The following STX8 variants were observed in gnomAD, a reference collection of about 807,000 sequenced individuals.
STX8 encodes syntaxin-8.
STX8 carries 23 observed loss-of-function variants against 37.5 expected under a neutral mutation model. The observed-to-expected ratio is 0.61, with a 90% CI of 0.44 to 0.87. STX8 has a LOEUF of 0.87. Ranked by LOEUF, STX8 falls within the 40% of genes least tolerant of loss-of-function variation. The probability of loss-of-function intolerance (pLI) is 0.00; values close to 1 mark genes in which losing one functional copy is unlikely to be tolerated. For missense variants in STX8, 313 were observed against 284.7 expected (o/e 1.10, Z -0.71); for synonymous variants, 115 against 99.1 (o/e 1.16, Z -0.95).
In STX8 at chr17:9,266,572, G is replaced by A. The variant is rs569454091; in HGVS notation, c.644-15927C>T. On this transcript the variant is annotated intron_variant, in intron 7 of 7. Transcript: ENST00000306357. The stretch of plus-strand genomic sequence containing the variant: ...AAGTAGGATGAAATAGTAGACACAC[G>A]ATGTCACCAAGAGTGTAGAAGAATT... 4.6e-5 allele frequency among the ~76,000 whole-genome samples: 7 copies of A among 152,232 alleles called. No individual in the cohort carries two copies. The South Asian group carries it at 6.2e-4, about 14-fold the overall frequency.
chr17:9,369,569 T>A (rs1274966461), intron 7 of STX8, among the ~76,000 whole-genome samples: 2 of 152,072 alleles, frequency 1.3e-5, no homozygotes, highest in African/African-American at 4.8e-5. Flanking sequence ...TTACCTATGT[T>A]TTATAAGGTT....
intron 4 of STX8, among the ~76,000 whole-genome samples, chr17:9,533,015 C>A (rs966763292): frequency 6.6e-6 from 1 of 152,220 alleles, no homozygotes; most frequent in Non-Finnish European, 1.5e-5. Flanking sequence ...TCAGTCCTTG[C>A]ACCAAATTAT....
chr17:9,548,783 A>G (rs1239348019), intron 3 of STX8, among the ~76,000 whole-genome samples: 1 of 152,228 alleles, frequency 6.6e-6, no homozygotes, highest in Non-Finnish European at 1.5e-5. Context: ...AAACAGCAGC[A>G]GCAAGGAGCT....
rs1336377409 is a variant in STX8 at position 9,272,970 on chromosome 17, A to G, written c.644-22325T>C. ...ACAATCTTTTCAATCCACATTATTT[A>G]TAATATTCCGAACATCCATCGAGCC... On this transcript the variant is annotated intron_variant, in intron 7 of 7. Transcript: ENST00000306357. Among the ~76,000 whole-genome samples, 9 of 152,366 alleles carry G rather than the reference A, an allele frequency of 5.9e-5. 1 individual carries two copies. The highest frequency in any genetic ancestry group is 2.2e-4 in the African/African-American group (9 of 41,590).
intron 6 of STX8, among the ~76,000 whole-genome samples, chr17:9,412,820 G>T (rs1392431318): frequency 1.3e-5 from 2 of 152,144 alleles, no homozygotes; most frequent in Non-Finnish European, 2.9e-5. Flanking sequence ...TTCGTCTTTA[G>T]AGTTCTGATA....
At chr17:9,486,056 A>G (rs981720850) in intron 6 of STX8, among the ~76,000 whole-genome samples, 1 of 152,210 alleles carries the variant, frequency 6.6e-6, no homozygotes, top group African/African-American at 2.4e-5. Flanking sequence ...GCATGCTCAT[A>G]AATAAAAGAT....
At chr17:9,339,652 A>T (rs369404173) in intron 7 of STX8, among the ~76,000 whole-genome samples, 1 of 152,108 alleles carries the variant, frequency 6.6e-6, no homozygotes, top group East Asian at 1.9e-4. Flanking sequence ...ACAGAGTGAG[A>T]CACCATCTAA....
chr17:9,275,045 C>A (rs776717952), intron 7 of STX8, among the ~76,000 whole-genome samples: 52 of 152,228 alleles, frequency 3.4e-4, no homozygotes, highest in Non-Finnish European at 6.0e-4. Flanking sequence ...GCCACCGCGC[C>A]TGGCCCAACA....
chr17:9,567,022 A>G (rs552141555), intron 2 of STX8, among the ~76,000 whole-genome samples: 1 of 152,338 alleles, frequency 6.6e-6, no homozygotes, highest in South Asian at 2.1e-4. Flanking sequence ...TAATGCAGGA[A>G]CAGAAAACCA....
At chr17:9,441,672 C>CT (rs1161609414) in intron 6 of STX8, among the ~76,000 whole-genome samples, 2,526 of 93,270 alleles carry the variant, frequency 0.027, 141 homozygotes, top group East Asian at 0.089. Flanking sequence ...AGCACCATGG[C>CT]TTTTTTTTTT....
chr17:9,372,829 C>T lies in STX8; in HGVS notation c.643+5723G>A, dbSNP rs1304735416. Among the ~76,000 whole-genome samples the T allele has an allele frequency of 4.9e-5, 7 of 142,982 alleles. 2 individuals carry two copies. The highest frequency in any genetic ancestry group is 1.6e-4 in the African/African-American group (6 of 38,706). The allele number at this position is 142,982 out of a possible 152,430, so 93.8% of individuals were successfully genotyped here. On this transcript the variant is annotated intron_variant, in intron 7 of 7. Coordinates refer to ENST00000306357, the MANE Select transcript of STX8 (RefSeq NM_004853.3). The stretch of plus-strand genomic sequence containing the variant: ...GGAAAATACTGAAAAGTGGGCCAGG[C>T]GCGGTGGCTCACGCCTGTAATCCCA...
intron 6 of STX8, among the ~76,000 whole-genome samples, chr17:9,382,054 A>G (rs1911842652): frequency 1.3e-5 from 2 of 152,156 alleles, no homozygotes; most frequent in African/African-American, 2.4e-5. Context: ...TTTTCTATAC[A>G]ATACTCAGAA....
intron 6 of STX8, among the ~76,000 whole-genome samples, chr17:9,443,571 A>G (rs568851705): frequency 4.6e-4 from 70 of 152,246 alleles, no homozygotes; most frequent in African/African-American, 1.4e-3. Flanking sequence ...CCATAGAGCC[A>G]CACAGAGCCA....
chr17:9,446,647 T>C (rs1435619678), intron 6 of STX8, among the ~76,000 whole-genome samples: 3 of 152,208 alleles, frequency 2.0e-5, no homozygotes, highest in East Asian at 3.8e-4. Flanking sequence ...ACAGTTTTTT[T>C]GGCAGTAGTA....
intron 4 of STX8, among the ~76,000 whole-genome samples, chr17:9,530,749 A>T (rs1905784429): frequency 6.6e-6 from 1 of 152,242 alleles, no homozygotes; most frequent in Admixed American, 6.5e-5. Flanking sequence ...CTGCAAATAC[A>T]GATTTTCATT....
intron 7 of STX8, among the ~76,000 whole-genome samples, chr17:9,251,384 T>A (rs2142114408): frequency 6.6e-6 from 1 of 152,350 alleles, no homozygotes; most frequent in African/African-American, 2.4e-5. Flanking sequence ...GTCTCCCATG[T>A]TCGCTTGCCC....
At chr17:9,304,507 C>CAAAAAAAAAAAAAAAAAAAAA (rs35673905) in intron 7 of STX8, among the ~76,000 whole-genome samples, 1 of 56,890 alleles carries the variant, frequency 1.8e-5, no homozygotes, top group Non-Finnish European at 3.2e-5. Flanking sequence ...GAAACTGTCT[C>CAAAAAAAAAAAAAAAAAAAAA]AAAAAAAAAA....
chr17:9,334,064 A>G (rs1267307550), intron 7 of STX8, among the ~76,000 whole-genome samples: 2 of 138,214 alleles, frequency 1.4e-5, no homozygotes, highest in African/African-American at 5.4e-5. Context: ...TGAGCTGGGG[A>G]GTGCTGATTG....
At chr17:9,551,756 C>T (rs1381587152) in intron 3 of STX8, among the ~76,000 whole-genome samples, 1 of 152,144 alleles carries the variant, frequency 6.6e-6, no homozygotes, top group South Asian at 2.1e-4. Flanking sequence ...AGCTGAACTG[C>T]TGTTTGGCCT....
Sources: gnomAD v4.1 joint callset for allele counts (sites outside exome capture counted in the v4.1 genomes callset) on GRCh38, gnomAD v4.1.1 for gene constraint, MANE v1.5 for transcripts, NCBI Gene and HGNC (gene_info 2026-07-23, HGNC 2026-07-21) for gene names.